SULF2: variants seen among roughly 807,000 people sequenced by gnomAD.
SULF2 encodes the protein extracellular sulfatase Sulf-2.
SULF2 carries 52 observed loss-of-function variants against 107.7 expected under a neutral mutation model. The observed-to-expected ratio is 0.48, with a 90% CI of 0.39 to 0.61. The LOEUF (loss-of-function observed/expected upper bound fraction) is 0.61, where lower values mean the gene tolerates loss of function less well. Among genes scored for constraint, SULF2 ranks in the 20% least tolerant of loss-of-function variants. The pLI, the probability that SULF2 is intolerant of heterozygous loss-of-function variation, is 0.00. For synonymous variants in SULF2, 460 were observed against 464.3 expected (o/e 0.99, Z 0.12); for missense variants, 993 against 1,177.3 (o/e 0.84, Z 2.29).
intron 2 of SULF2, among the ~76,000 whole-genome samples, chr20:47,749,399 C>T (rs1176934222): frequency 6.6e-6 from 1 of 152,224 alleles, no homozygotes; most frequent in Non-Finnish European, 1.5e-5. Flanking sequence ...GCAAGCTGAA[C>T]ACCAGTGTGG....
At position 47,686,751 on chromosome 20, in the gene SULF2, A is replaced by G. The variant is rs74969184; in HGVS notation, c.738-2170T>C. On this transcript the variant is annotated intron_variant, in intron 5 of 20. Coordinates refer to ENST00000688720, the MANE Select transcript of SULF2 (RefSeq NM_001387048.1). Reference sequence around the variant, plus strand: ...CTTGGCAGCTGTGGACACCGTTGCTATGTAAGGCGGGAGGTGAGTCACTGT... The same window carrying G: ...CTTGGCAGCTGTGGACACCGTTGCTGTGTAAGGCGGGAGGTGAGTCACTGT... Among the ~76,000 whole-genome samples the G allele has an allele frequency of 9.5e-3, 1,444 of 152,238 alleles. 18 individuals are homozygous for G. Among genetic ancestry groups the G allele is most frequent in the African/African-American group, 0.029 (1,204 of 41,544 alleles).
chr20:47,784,296 T>G (rs1844917248), intron 1 of SULF2, among the ~76,000 whole-genome samples: 1 of 152,158 alleles, frequency 6.6e-6, no homozygotes, highest in South Asian at 2.1e-4. Context: ...TGTAATTACT[T>G]GGTTAATTAA....
chr20:47,697,940 G>A (rs12481703), intron 4 of SULF2, among the ~76,000 whole-genome samples: 14,855 of 152,278 alleles, frequency 0.098, 801 homozygotes, highest in East Asian at 0.17. Flanking sequence ...GGGAAACAGC[G>A]TGCTTAGCCC....
At chr20:47,710,816 C>T (rs893135574) in intron 3 of SULF2, among the ~76,000 whole-genome samples, 7 of 152,176 alleles carry the variant, frequency 4.6e-5, no homozygotes, top group Non-Finnish European at 8.8e-5. Context: ...ACTTCCCCTG[C>T]AGGCAGCTCT....
chr20:47,684,300 C>G, intron 6 of SULF2, 131 bp downstream of exon 6: 1 of 989,846 alleles, frequency 1.0e-6, no homozygotes, highest in Non-Finnish European at 1.4e-6. Context: ...AGGTCTAGCA[C>G]ATGGGGCCTC....
chr20:47,673,305 T>C (rs975049116), intron 10 of SULF2, among the ~76,000 whole-genome samples: 3 of 152,226 alleles, frequency 2.0e-5, no homozygotes, highest in African/African-American at 7.2e-5. Context: ...GCACTTAGCA[T>C]GTGCCAAGCA....
chr20:47,677,195 C>T (rs2146472585), intron 8 of SULF2, 61 bp from the exon 9 acceptor site: 1 of 1,584,452 alleles, frequency 6.3e-7, no homozygotes, highest in East Asian at 2.2e-5. Context: ...ACCCCCCGTT[C>T]CCCCAGGAGC....
At chr20:47,695,012 C>G (rs1016128273) in intron 4 of SULF2, among the ~76,000 whole-genome samples, 3 of 152,190 alleles carry the variant, frequency 2.0e-5, no homozygotes, top group Non-Finnish European at 4.4e-5. Flanking sequence ...TTTTTCTCCC[C>G]GCCACAGATA....
intron 3 of SULF2, among the ~76,000 whole-genome samples, chr20:47,716,307 C>G (rs1479321592): frequency 3.3e-5 from 5 of 152,200 alleles, no homozygotes; most frequent in Admixed American, 2.6e-4. Context: ...GAGTTCAGGA[C>G]CAGCCTGGCC....
intron 2 of SULF2, among the ~76,000 whole-genome samples, chr20:47,741,728 G>A (rs775523704): frequency 6.6e-6 from 1 of 152,168 alleles, no homozygotes; most frequent in Admixed American, 6.5e-5. Context: ...CTGGTAGTGA[G>A]AGCTCAGCCT....
chr20:47,739,644 T>C (rs565653240), intron 2 of SULF2, among the ~76,000 whole-genome samples: 106 of 152,336 alleles, frequency 7.0e-4, no homozygotes, highest in Non-Finnish European at 1.2e-3. Flanking sequence ...TCCACAGCAG[T>C]TACTGTCCTC....
rs1416624747 is a variant in SULF2, at chr20:47,785,457, C to T, written c.-215G>A. 60 of 142,910 alleles carry T rather than the reference C, an allele frequency of 4.2e-4. No individual in the cohort carries two copies. Among genetic ancestry groups the T allele is most frequent in the Non-Finnish European group, 6.7e-4 (47 of 70,504 alleles). The allele number at this position is 142,910 out of a possible 1,614,324, so 8.9% of individuals were successfully genotyped here. A position where few individuals can be genotyped will look rare whatever the true frequency, so the allele number is the denominator to read the frequency against. On this transcript the variant is annotated 5_prime_UTR_variant, in exon 1 of 21. Transcript: ENST00000688720. Reference sequence around the variant, plus strand: ...TCCGCGCCGCCGCTGCCGCTGCCGCCGCCGCCGCCGCCGCTGCCGCTGCTG... The same window carrying T: ...TCCGCGCCGCCGCTGCCGCTGCCGCTGCCGCCGCCGCCGCTGCCGCTGCTG...
At chr20:47,684,326 A>G in intron 6 of SULF2, 105 bp downstream of exon 6, 1 of 1,297,754 alleles carries the variant, frequency 7.7e-7, no homozygotes, top group East Asian at 2.7e-5. Context: ...TCTGCCTTTG[A>G]TTTCTATTCC....
rs1472710035 is a variant in SULF2, at chr20:47,663,537, G to A, written c.2143C>T (p.Gln715Ter). 1 of 1,613,016 alleles carries A rather than the reference G, an allele frequency of 6.2e-7. No homozygotes were observed. The highest frequency in any genetic ancestry group is 8.5e-7 in the Non-Finnish European group (1 of 1,180,010). Residue 715 changes from glutamine to a stop codon, truncating the protein, a stop_gained, in exon 16 of 21, where the codon CAG (glutamine) becomes TAG (stop). Coordinates refer to ENST00000688720, the MANE Select transcript of SULF2 (RefSeq NM_001387048.1). LOFTEE classifies it high-confidence loss of function. ...GGCATGCTGCACGTGTCGTTGTTCT[G>A]CAGGCGCTTGAGCAGCTTGCGGAGT... ...KKLRKLLKRLQNNDTCSMPGL... is the reference protein window; with the variant it reads ...KKLRKLLKRL
chr20:47,665,538 C>G (rs915048313), intron 13 of SULF2, among the ~76,000 whole-genome samples: 1 of 152,240 alleles, frequency 6.6e-6, no homozygotes, highest in African/African-American at 2.4e-5. Flanking sequence ...GCCTGGCCTG[C>G]GCAGGAACCC....
At chr20:47,745,386 A>G (rs2089983482) in intron 2 of SULF2, among the ~76,000 whole-genome samples, 3 of 6,544 alleles carry the variant, frequency 4.6e-4, no homozygotes, top group African/African-American at 1.6e-3. Context: ...TTGAGGGAAA[A>G]AAAAAAAAAA....
intron 2 of SULF2, among the ~76,000 whole-genome samples, chr20:47,753,915 G>A (rs1004905931): frequency 1.3e-5 from 2 of 152,184 alleles, no homozygotes; most frequent in Admixed American, 6.5e-5. Context: ...CTTTTGGAGC[G>A]GAAGTCCAGC....
chr20:47,717,471 CAG>C (rs1393746529), intron 3 of SULF2, among the ~76,000 whole-genome samples: 1 of 152,152 alleles, frequency 6.6e-6, no homozygotes, highest in Non-Finnish European at 1.5e-5. Context: ...CACGGGGACG[CAG>C]AGAGGCAGGG....
At chr20:47,738,955 T>C (rs1466820170) in intron 2 of SULF2, among the ~76,000 whole-genome samples, 1 of 152,052 alleles carries the variant, frequency 6.6e-6, no homozygotes, top group East Asian at 1.9e-4. Flanking sequence ...GGACACAAAG[T>C]GGAGAAGACG....
Sources: gnomAD v4.1 joint callset for allele counts (sites outside exome capture counted in the v4.1 genomes callset) on GRCh38, gnomAD v4.1.1 for gene constraint, MANE v1.5 for transcripts, NCBI Gene and HGNC (gene_info 2026-07-23, HGNC 2026-07-21) for gene names.